PSORS1C1: variants seen among roughly 807,000 people sequenced by gnomAD.
PSORS1C1 encodes the protein psoriasis susceptibility 1 candidate 1, also known as psoriasis susceptibility 1 candidate gene 1 protein.
In PSORS1C1, 7 loss-of-function variants were observed where a neutral mutation model predicts 9.4. The ratio of observed to expected loss-of-function variants is 0.75; its 90% CI spans 0.42 to 1.40. PSORS1C1 has a LOEUF of 1.40. PSORS1C1 is among the 40% of genes most tolerant of loss of function. The probability of loss-of-function intolerance (pLI) is 0.01; values close to 1 mark genes in which losing one functional copy is unlikely to be tolerated. For synonymous variants in PSORS1C1, 63 were observed against 69.4 expected (o/e 0.91, Z 0.46); for missense variants, 146 against 178.1 (o/e 0.82, Z 1.02).
chr6:31,117,134 A>AGCT (rs762480745), intron 1 of PSORS1C1: 26 of 1,612,000 alleles, frequency 1.6e-5, no homozygotes, highest in African/African-American at 5.4e-5. Flanking sequence ...CTGAACTGAA[A>AGCT]GCTGCTGCTG....
intron 1 of PSORS1C1, among the ~76,000 whole-genome samples, 159 bp from the exon 2 acceptor site, chr6:31,125,517 A>G (rs1456389588): frequency 6.6e-6 from 1 of 152,170 alleles, no homozygotes; most frequent in African/African-American, 2.4e-5. Context: ...GAGAGGGCAC[A>G]TCCCCAATCA....
chr6:31,134,002 G>C (rs145838713), intron 3 of PSORS1C1, among the ~76,000 whole-genome samples: 2 of 152,106 alleles, frequency 1.3e-5, no homozygotes, highest in African/African-American at 4.8e-5. Flanking sequence ...TTTCTGAGAT[G>C]GGGTCTTGCT....
chr6:31,125,708 A>G lies in PSORS1C1; in HGVS notation c.-196A>G, dbSNP rs3094197. The stretch of plus-strand genomic sequence containing the variant: ...TCAAGGGTGGAATCTACAGTCCGTG[A>G]GCCCTGACTTCTTGCCTTCGTCTCA... On this transcript the variant is annotated 5_prime_UTR_variant, in exon 2 of 6. Transcript: ENST00000259881. 116,787 of 151,864 alleles carry G rather than the reference A, an allele frequency of 0.77. 45,376 individuals are homozygous for G. The highest frequency in any genetic ancestry group is 0.87 in the East Asian group (4,467 of 5,132). 9.4% of individuals were successfully genotyped at this position (151,864 alleles called of 1,614,324 possible). A position where few individuals can be genotyped will look rare whatever the true frequency, so the allele number is the denominator to read the frequency against.
At chr6:31,137,673 G>T in intron 3 of PSORS1C1, 1 of 370,702 alleles carries the variant, frequency 2.7e-6, no homozygotes, top group Non-Finnish European at 4.8e-6. Flanking sequence ...CAGGAAGACC[G>T]GGTGGGAGGT....
intron 1 of PSORS1C1, chr6:31,117,150 C>G: frequency 6.2e-7 from 1 of 1,607,316 alleles, no homozygotes; most frequent in East Asian, 2.2e-5. Context: ...TGCTGCTGCT[C>G]GAATGAGAGC....
At position 31,139,258 on chromosome 6, in the gene PSORS1C1, A is replaced by C; in HGVS notation, c.168-383A>C. The C allele has an allele frequency of 1.7e-6, 1 of 584,562 alleles. No homozygotes were observed. Among genetic ancestry groups the C allele is most frequent in the Non-Finnish European group, 3.0e-6 (1 of 328,492 alleles). The allele number at this position is 584,562 out of a possible 1,614,324, so 36.2% of individuals were successfully genotyped here. A position where few individuals can be genotyped will look rare whatever the true frequency, so the allele number is the denominator to read the frequency against. ...GACCCAGCTGCCTGCTCTCCCTATCATGACCCAGAGCCTGCGTCACCCCAC... is the reference window on the plus strand; with the variant it reads ...GACCCAGCTGCCTGCTCTCCCTATCCTGACCCAGAGCCTGCGTCACCCCAC... On this transcript the variant is annotated intron_variant, in intron 5 of 5. Transcript: ENST00000259881. This position sits in a 1 kb window ranked among gnomAD's most constrained non-coding sequence, Gnocchi z 5.2.
chr6:31,140,066 C>T lies in PSORS1C1; in HGVS notation c.*134C>T. The stretch of plus-strand genomic sequence containing the variant: ...TTGTTCCCTGCCTGGTCCGCTACCC[C>T]ACAGTAAGGAACACCTTATTATGCA... On this transcript the variant is annotated 3_prime_UTR_variant, in exon 6 of 6. Coordinates refer to ENST00000259881, the MANE Select transcript of PSORS1C1 (RefSeq NM_014068.3). This position sits in a 1 kb window ranked among gnomAD's most constrained non-coding sequence, Gnocchi z 4.6. 1 of 806,392 alleles carries T rather than the reference C, an allele frequency of 1.2e-6. No individual in the cohort carries two copies. Among genetic ancestry groups the T allele is most frequent in the Non-Finnish European group, 2.0e-6 (1 of 493,682 alleles). The allele number at this position is 806,392 out of a possible 1,614,324, so 50.0% of individuals were successfully genotyped here. A position where few individuals can be genotyped will look rare whatever the true frequency, so the allele number is the denominator to read the frequency against.
At chr6:31,135,945 G>A (rs907687404) in intron 3 of PSORS1C1, among the ~76,000 whole-genome samples, 3 of 152,084 alleles carry the variant, frequency 2.0e-5, no homozygotes, top group Admixed American at 6.6e-5. Flanking sequence ...TCTCAGCTAC[G>A]CCAGAGGCTG....
At chr6:31,131,826 A>G (rs770507846) in intron 3 of PSORS1C1, among the ~76,000 whole-genome samples, 1 of 152,260 alleles carries the variant, frequency 6.6e-6, no homozygotes, top group Non-Finnish European at 1.5e-5. Flanking sequence ...ATTTACCAAC[A>G]GTGCCCTATG....
rs1772775411 is a variant in PSORS1C1, at chr6:31,128,423, G to A, written c.-64-1146G>A. Among the ~76,000 whole-genome samples the A allele has an allele frequency of 6.6e-6, 1 of 152,108 alleles. No individual in the cohort carries two copies. The highest frequency in any genetic ancestry group is 2.4e-5 in the African/African-American group (1 of 41,398). The stretch of plus-strand genomic sequence containing the variant: ...GGTCACATAGAGAACGAATGGCTAA[G>A]TAGCGACAAGAACCCAAGTCACAGT... On this transcript the variant is annotated intron_variant, in intron 2 of 5. Coordinates refer to ENST00000259881, the MANE Select transcript of PSORS1C1 (RefSeq NM_014068.3). The surrounding 1 kb of genome is among the most constrained non-coding windows in gnomAD (Gnocchi z 4.3).
intron 3 of PSORS1C1, among the ~76,000 whole-genome samples, chr6:31,131,649 A>G (rs985375923): frequency 6.0e-5 from 9 of 150,990 alleles, no homozygotes; most frequent in Admixed American, 4.6e-4. Flanking sequence ...GGTTAAAATC[A>G]GTGTTGTTAG....
chr6:31,131,313 G>A (rs1772901494), intron 3 of PSORS1C1, among the ~76,000 whole-genome samples: 1 of 151,718 alleles, frequency 6.6e-6, no homozygotes, highest in Admixed American at 6.6e-5. Flanking sequence ...GCTGGGATGG[G>A]CCAGGCGCGG....
intron 1 of PSORS1C1, 51 bp from the exon 2 acceptor site, chr6:31,125,625 C>T (rs1772646961): frequency 6.6e-6 from 1 of 152,442 alleles, no homozygotes; most frequent in South Asian, 2.1e-4. Context: ...CTCTCCTTCT[C>T]TGCCTTCCTG....
In PSORS1C1 at chr6:31,129,685, A is replaced by G. The variant is rs1486880303; in HGVS notation, c.13+40A>G. 3.8e-6 allele frequency: 3 copies of G among 779,640 alleles called. No homozygotes were observed. The Admixed American group carries it at 5.1e-5, about 13-fold the overall frequency. The allele number at this position is 779,640 out of a possible 1,614,324, so 48.3% of individuals were successfully genotyped here. On this transcript the variant is annotated intron_variant, in intron 3 of 5. Transcript: ENST00000259881. ...TCAGTGTTGGTTCCTCTTCTGTGAA[A>G]TGGGGCTAATCATTTGCTTTATTGA...
Position 31,140,006 on chromosome 6 carries a change from T to A in PSORS1C1, c.*74T>A. 7.1e-7 allele frequency: 1 copy of A among 1,399,866 alleles called. No homozygotes were observed. The highest frequency in any genetic ancestry group is 9.9e-7 in the Non-Finnish European group (1 of 1,009,910). 86.7% of individuals were successfully genotyped at this position (1,399,866 alleles called of 1,614,324 possible). On this transcript the variant is annotated 3_prime_UTR_variant, in exon 6 of 6. Coordinates refer to ENST00000259881, the MANE Select transcript of PSORS1C1 (RefSeq NM_014068.3). The surrounding 1 kb of genome is among the most constrained non-coding windows in gnomAD (Gnocchi z 4.6). ...TGGAAGTCTGTTAGCCTTTCAGAAG[T>A]AACATGTCCAAAATAAAATTTGATT... is the stretch of plus-strand genomic sequence containing the variant.
At position 31,128,362 on chromosome 6, in the gene PSORS1C1, G is replaced by T. The variant is rs1159770315; in HGVS notation, c.-64-1207G>T. Among the ~76,000 whole-genome samples, 1 of 152,182 alleles carries T rather than the reference G, an allele frequency of 6.6e-6. No homozygotes were observed. The highest frequency in any genetic ancestry group is 1.5e-5 in the Non-Finnish European group (1 of 68,040). The stretch of plus-strand genomic sequence containing the variant: ...TCTCAGCATTGCACGGGAGTTTAGA[G>T]GTTATTAAAGAAATCCCCCTAAAGT... On this transcript the variant is annotated intron_variant, in intron 2 of 5. Coordinates refer to ENST00000259881, the MANE Select transcript of PSORS1C1 (RefSeq NM_014068.3). The surrounding 1 kb of genome is among the most constrained non-coding windows in gnomAD (Gnocchi z 4.3).
intron 1 of PSORS1C1, chr6:31,118,925 C>T (rs1413181951): frequency 2.1e-5 from 3 of 145,036 alleles, no homozygotes; most frequent in Non-Finnish European, 4.5e-5. Flanking sequence ...TCACTGTAAC[C>T]TCTGCCTCCT....
chr6:31,118,688 C>T (rs931484962), intron 1 of PSORS1C1: 1 of 152,216 alleles, frequency 6.6e-6, no homozygotes, highest in African/African-American at 2.4e-5. Flanking sequence ...CCAGGTCCCA[C>T]GTGTTACAAA....
Position 31,139,567 on chromosome 6 carries a change from C to T in PSORS1C1, c.168-74C>T. On this transcript the variant is annotated intron_variant, in intron 5 of 5. Coordinates refer to ENST00000259881, the MANE Select transcript of PSORS1C1 (RefSeq NM_014068.3). The surrounding 1 kb of genome is among the most constrained non-coding windows in gnomAD (Gnocchi z 5.2). Reference sequence around the variant, plus strand: ...CCCGCACTGAAAGCTCCCCCTGGGGCTTCGTGCTTTCCTGGGCACTTCCCT... The same window carrying T: ...CCCGCACTGAAAGCTCCCCCTGGGGTTTCGTGCTTTCCTGGGCACTTCCCT... 2.0e-6 allele frequency: 3 copies of T among 1,485,020 alleles called. No individual in the cohort carries two copies. Among genetic ancestry groups the T allele is most frequent in the Non-Finnish European group, 2.7e-6 (3 of 1,091,586 alleles). 92.0% of individuals were successfully genotyped at this position (1,485,020 alleles called of 1,614,324 possible). A position where few individuals can be genotyped will look rare whatever the true frequency, so the allele number is the denominator to read the frequency against.
Sources: gnomAD v4.1 joint callset for allele counts (sites outside exome capture counted in the v4.1 genomes callset) on GRCh38, gnomAD v4.1.1 for gene constraint, Gnocchi (gnomAD v3.1) non-coding constraint, MANE v1.5 for transcripts, NCBI Gene and HGNC (gene_info 2026-07-23, HGNC 2026-07-21) for gene names.